MYO1H: variants seen among roughly 807,000 people sequenced by gnomAD.
MYO1H encodes unconventional myosin-Ih.
In MYO1H, 118 loss-of-function variants were observed where a neutral mutation model predicts 149.3. The ratio of observed to expected loss-of-function variants is 0.79; its 90% CI spans 0.68 to 0.92. MYO1H has a LOEUF of 0.92. MYO1H is among the 40% of genes least tolerant of loss of function. The pLI is 0.00. For synonymous variants in MYO1H, 447 were observed against 465.2 expected (o/e 0.96, Z 0.50); for missense variants, 1,212 against 1,280.7 (o/e 0.95, Z 0.82).
intron 4 of MYO1H, 97 bp from the exon 5 acceptor site, chr12:109,397,635 C>A: frequency 1.1e-6 from 1 of 911,658 alleles, no homozygotes; most frequent in Non-Finnish European, 1.6e-6. Context: ...CTTCCGCTCT[C>A]TCTCCTCCAT....
chr12:109,353,213 C>T (rs1025585511), intron 1 of MYO1H, among the ~76,000 whole-genome samples: 1 of 151,682 alleles, frequency 6.6e-6, no homozygotes. Flanking sequence ...CTGGCCAACA[C>T]GGTGAAACTC....
At chr12:109,361,419 C>A (rs1393989569) in intron 1 of MYO1H, among the ~76,000 whole-genome samples, 4 of 152,118 alleles carry the variant, frequency 2.6e-5, no homozygotes, top group Non-Finnish European at 5.9e-5. Context: ...CCCAAAAAAA[C>A]TTAAAAAAAT....
At chr12:109,404,378 A>C (rs1442233683) in intron 7 of MYO1H, among the ~76,000 whole-genome samples, 1 of 152,202 alleles carries the variant, frequency 6.6e-6, no homozygotes, top group Non-Finnish European at 1.5e-5. Flanking sequence ...GCTACTCCGG[A>C]GACGGAGGCA....
chr12:109,443,040 G>GTGTACGTA lies in MYO1H; in HGVS notation c.2689-471_2689-470insACGTATGT, dbSNP rs1555255532. 7.0e-5 allele frequency among the ~76,000 whole-genome samples: 3 copies of GTGTACGTA among 42,716 alleles called. 1 individual carries two copies. Among genetic ancestry groups the GTGTACGTA allele is most frequent in the African/African-American group, 2.3e-4 (3 of 13,110 alleles). The allele number at this position is 42,716 out of a possible 152,430, so 28.0% of individuals were successfully genotyped here. On this transcript the variant is annotated intron_variant, in intron 27 of 31. Transcript: ENST00000310903. ...TATATATATATATATGTGTGTGTGT[G>GTGTACGTA]TGTGTGTATATATGTGTACGTATGT...
intron 1 of MYO1H, among the ~76,000 whole-genome samples, chr12:109,349,694 C>T (rs1389991537): frequency 1.3e-5 from 2 of 149,510 alleles, no homozygotes; most frequent in South Asian, 2.1e-4. Flanking sequence ...GGTGCGGTGG[C>T]TCATGCCTGT....
At chr12:109,407,483 T>C (rs1870442733) in intron 9 of MYO1H, among the ~76,000 whole-genome samples, 1 of 151,520 alleles carries the variant, frequency 6.6e-6, no homozygotes, top group Non-Finnish European at 1.5e-5. Flanking sequence ...AAACACTAGT[T>C]CAAGACTGTG....
At chr12:109,439,887 A>C (rs1872041115) in intron 24 of MYO1H, 97 bp downstream of exon 24, 1 of 1,142,274 alleles carries the variant, frequency 8.8e-7, no homozygotes. Context: ...TTTGGCTTGA[A>C]AGGGCTGCCC....
the MYO1H span, among the ~76,000 whole-genome samples, chr12:109,341,802 C>A: frequency 2.0e-5 from 3 of 152,158 alleles, no homozygotes; most frequent in African/African-American, 7.2e-5. Context: ...TATTGTTTGA[C>A]TCCCTGGGTT....
chr12:109,414,178 A>T (rs1373282008), intron 14 of MYO1H, among the ~76,000 whole-genome samples: 3 of 152,280 alleles, frequency 2.0e-5, no homozygotes, highest in African/African-American at 4.8e-5. Flanking sequence ...AAGTCATTTT[A>T]AAAAATCAAG....
At chr12:109,415,845 T>G (rs2135566434) in intron 15 of MYO1H, among the ~76,000 whole-genome samples, 1 of 152,312 alleles carries the variant, frequency 6.6e-6, no homozygotes, top group Admixed American at 6.5e-5. Context: ...CATTTTAAAA[T>G]GTACAATTCA....
chr12:109,415,795 C>T (rs1870877491), intron 15 of MYO1H, among the ~76,000 whole-genome samples, 175 bp downstream of exon 15: 1 of 152,038 alleles, frequency 6.6e-6, no homozygotes, highest in African/African-American at 2.4e-5. Flanking sequence ...TGTAAATAAC[C>T]ACTTTATTGA....
rs534911118 is a variant in MYO1H at position 109,443,795 on chromosome 12, C to T, written c.2824+146C>T. ...ATGCACACCTGTAGTCTCAGCTACT[C>T]GGAAGGCTGAGGCAGGAGGATCACT... On this transcript the variant is annotated intron_variant, in intron 28 of 31. Transcript: ENST00000310903. 1.8e-3 allele frequency: 1,537 copies of T among 832,330 alleles called. 3 individuals carry two copies. Among genetic ancestry groups the T allele is most frequent in the Non-Finnish European group, 2.3e-3 (1,266 of 543,586 alleles). The allele number at this position is 832,330 out of a possible 1,614,324, so 51.6% of individuals were successfully genotyped here. A position where few individuals can be genotyped will look rare whatever the true frequency, so the allele number is the denominator to read the frequency against.
rs781215471 is a variant in MYO1H, at chr12:109,443,706, C to T, written c.2824+57C>T. 1.2e-4 allele frequency: 183 copies of T among 1,589,422 alleles called. 9 individuals carry two copies. In the South Asian group the frequency reaches 2.0e-3, roughly 18 times the overall value. ...CTGAGTTGACTCAACTACTGGAAAG[C>T]CCAGTAATGAAGCTCCCAAATGGGA... On this transcript the variant is annotated intron_variant, in intron 28 of 31. Coordinates refer to ENST00000310903, the Ensembl canonical transcript of MYO1H.
chr12:109,420,653 G>T (rs968056426), intron 15 of MYO1H, among the ~76,000 whole-genome samples: 14 of 152,098 alleles, frequency 9.2e-5, no homozygotes, highest in African/African-American at 2.9e-4. Flanking sequence ...CAACATTGGG[G>T]ATTGCAATTT....
At chr12:109,411,015 G>C (rs909633754) in intron 13 of MYO1H, among the ~76,000 whole-genome samples, 1 of 152,140 alleles carries the variant, frequency 6.6e-6, no homozygotes, top group Admixed American at 6.6e-5. Context: ...GATGGCATGC[G>C]CCTGTAGTCC....
At chr12:109,356,309 T>G (rs1406891575) in intron 1 of MYO1H, among the ~76,000 whole-genome samples, 2 of 152,224 alleles carry the variant, frequency 1.3e-5, no homozygotes, top group Admixed American at 6.5e-5. Flanking sequence ...CCATGAAATA[T>G]CTTTTGTTCC....
At chr12:109,375,583 C>T (rs537947734) in intron 1 of MYO1H, among the ~76,000 whole-genome samples, 9 of 152,148 alleles carry the variant, frequency 5.9e-5, no homozygotes, top group South Asian at 4.1e-4. Context: ...TATAGCTTTG[C>T]GCTTCACTCT....
At chr12:109,404,921 G>T (rs1012627437) in intron 7 of MYO1H, among the ~76,000 whole-genome samples, 1 of 149,224 alleles carries the variant, frequency 6.7e-6, no homozygotes, top group Non-Finnish European at 1.5e-5. Flanking sequence ...AAAAACAGCT[G>T]TATTTGAAGC....
intron 14 of MYO1H, 22 bp from the exon 15 acceptor site, chr12:109,415,504 C>G: frequency 2.5e-6 from 4 of 1,579,170 alleles, no homozygotes; most frequent in African/African-American, 1.3e-5. Context: ...AAGTTCAACT[C>G]GTGTCTATTT....
Sources: allele counts gnomAD v4.1 joint callset (sites outside exome capture counted in the v4.1 genomes callset), GRCh38; gene constraint gnomAD v4.1.1; transcripts MANE v1.5; gene names NCBI Gene and HGNC (gene_info 2026-07-23, HGNC 2026-07-21).